The following ITGBL1 variants were observed in gnomAD, a reference collection of about 807,000 sequenced individuals.
The protein encoded by ITGBL1 is integrin subunit beta like 1.
In ITGBL1, 51 loss-of-function variants were observed where a neutral mutation model predicts 68.5. The ratio of observed to expected loss-of-function variants is 0.74; its 90% CI spans 0.59 to 0.94. ITGBL1 has a LOEUF of 0.94. ITGBL1 is among the 40% of genes least tolerant of loss of function. ITGBL1 has a pLI of 0.00. For synonymous variants in ITGBL1, 209 were observed against 227.3 expected (o/e 0.92, Z 0.72); for missense variants, 649 against 647.4 (o/e 1.00, Z -0.03).
At chr13:101,547,095 A>G (rs2049839008) in intron 2 of ITGBL1, among the ~76,000 whole-genome samples, 1 of 152,010 alleles carries the variant, frequency 6.6e-6, no homozygotes. Flanking sequence ...GATTACAAAA[A>G]TAATGAAAAT....
chr13:101,496,240 AG>A (rs1382107772), intron 2 of ITGBL1, among the ~76,000 whole-genome samples: 1 of 152,202 alleles, frequency 6.6e-6, no homozygotes, highest in East Asian at 1.9e-4. Flanking sequence ...GCTCCCGGGC[AG>A]GCTAGTGTTC....
intron 5 of ITGBL1, among the ~76,000 whole-genome samples, chr13:101,580,392 G>T (rs1330999853): frequency 6.6e-6 from 1 of 151,902 alleles, no homozygotes; most frequent in African/African-American, 2.4e-5. Context: ...CCTTTGTGGG[G>T]ACTAAATCTT....
At chr13:101,542,776 C>G (rs2139190464) in intron 2 of ITGBL1, among the ~76,000 whole-genome samples, 1 of 152,312 alleles carries the variant, frequency 6.6e-6, no homozygotes, top group African/African-American at 2.4e-5. Flanking sequence ...ATAGTTAGCT[C>G]TTCTTGTTGA....
rs186903161 is a variant in ITGBL1, at chr13:101,715,977, G to A, written c.*323G>A. On this transcript the variant is annotated 3_prime_UTR_variant, in exon 11 of 11. Coordinates refer to ENST00000376180, the MANE Select transcript of ITGBL1 (RefSeq NM_004791.3). ...ACTGGGTCGGGTAGGAAGGTATGCT[G>A]CAGACATTTGGTGGGTAGAGGCCAG... 1 of 286,138 alleles carries A rather than the reference G, an allele frequency of 3.5e-6. No homozygotes were observed. The highest frequency in any genetic ancestry group is 8.6e-5 in the East Asian group (1 of 11,584). The allele number at this position is 286,138 out of a possible 1,614,324, so 17.7% of individuals were successfully genotyped here. A position where few individuals can be genotyped will look rare whatever the true frequency, so the allele number is the denominator to read the frequency against.
At chr13:101,699,620 T>C (rs2034085764) in intron 8 of ITGBL1, among the ~76,000 whole-genome samples, 2 of 152,206 alleles carry the variant, frequency 1.3e-5, no homozygotes, top group Non-Finnish European at 1.5e-5. Context: ...TCCACCATAA[T>C]TGTAAGTTTC....
intron 2 of ITGBL1, among the ~76,000 whole-genome samples, chr13:101,497,372 GAT>G (rs2139075394): frequency 6.6e-6 from 1 of 152,258 alleles, no homozygotes; most frequent in Admixed American, 6.5e-5. Context: ...TGATCCCAGT[GAT>G]ATGAGTAGCA....
chr13:101,700,825 C>T (rs1449259159), intron 8 of ITGBL1, among the ~76,000 whole-genome samples: 1 of 152,192 alleles, frequency 6.6e-6, no homozygotes, highest in Non-Finnish European at 1.5e-5. Context: ...CATTGGCTGT[C>T]TGGCTCCTTC....
At chr13:101,647,145 A>T (rs2032585752) in intron 7 of ITGBL1, among the ~76,000 whole-genome samples, 1 of 152,178 alleles carries the variant, frequency 6.6e-6, no homozygotes, top group Non-Finnish European at 1.5e-5. Context: ...GAAATATATG[A>T]AGTCAATTTC....
chr13:101,532,024 G>T (rs1026630296), intron 2 of ITGBL1, among the ~76,000 whole-genome samples: 1 of 151,900 alleles, frequency 6.6e-6, no homozygotes, highest in African/African-American at 2.4e-5. Flanking sequence ...GTGAGCCACC[G>T]CGCCCGGCCA....
chr13:101,458,754 A>C (rs954545324), intron 2 of ITGBL1, among the ~76,000 whole-genome samples: 1 of 152,166 alleles, frequency 6.6e-6, no homozygotes, highest in Non-Finnish European at 1.5e-5. Context: ...CTATGTAAAT[A>C]GTTGTTATAC....
intron 7 of ITGBL1, among the ~76,000 whole-genome samples, chr13:101,600,802 T>C (rs1050631897): frequency 3.3e-5 from 5 of 152,208 alleles, no homozygotes; most frequent in Non-Finnish European, 5.9e-5. Flanking sequence ...TTGATCATAG[T>C]GGATAAGCTT....
intron 8 of ITGBL1, among the ~76,000 whole-genome samples, chr13:101,703,708 G>T (rs1438612656): frequency 6.6e-6 from 1 of 152,160 alleles, no homozygotes; most frequent in African/African-American, 2.4e-5. Flanking sequence ...AAAACATCAT[G>T]AACTGGTTGA....
intron 6 of ITGBL1, among the ~76,000 whole-genome samples, chr13:101,590,585 A>T (rs184866478): frequency 6.6e-6 from 1 of 152,168 alleles, no homozygotes; most frequent in East Asian, 1.9e-4. Context: ...TCCCTCTTCA[A>T]TCTGGTTTTC....
intron 3 of ITGBL1, among the ~76,000 whole-genome samples, chr13:101,572,247 C>G (rs1221001018): frequency 6.6e-6 from 1 of 151,994 alleles, no homozygotes; most frequent in African/African-American, 2.4e-5. Flanking sequence ...TTTCATATCA[C>G]AGTGTGGTTT....
chr13:101,654,017 G>A (rs576276531), intron 7 of ITGBL1, among the ~76,000 whole-genome samples: 7 of 151,774 alleles, frequency 4.6e-5, no homozygotes, highest in Non-Finnish European at 7.4e-5. Flanking sequence ...GCCTGAGAAG[G>A]CTTCTTAGAT....
At chr13:101,462,183 A>G (rs919441937) in intron 2 of ITGBL1, among the ~76,000 whole-genome samples, 5 of 152,178 alleles carry the variant, frequency 3.3e-5, no homozygotes, top group African/African-American at 1.2e-4. Context: ...TGTCTCCCAG[A>G]GCCTCTTCCA....
chr13:101,677,582 C>T (rs753091812), intron 7 of ITGBL1, among the ~76,000 whole-genome samples: 4 of 152,178 alleles, frequency 2.6e-5, no homozygotes, highest in Non-Finnish European at 5.9e-5. Flanking sequence ...CTCCAGAGCA[C>T]AAACGACCAA....
At chr13:101,706,600 C>A (rs1006562055) in intron 8 of ITGBL1, among the ~76,000 whole-genome samples, 156 bp from the exon 9 acceptor site, 1 of 152,196 alleles carries the variant, frequency 6.6e-6, no homozygotes, top group Non-Finnish European at 1.5e-5. Flanking sequence ...GTTGTAAGTT[C>A]TTTCAAACAA....
intron 7 of ITGBL1, among the ~76,000 whole-genome samples, chr13:101,638,339 C>T (rs908291173): frequency 2.0e-5 from 3 of 152,094 alleles, no homozygotes; most frequent in African/African-American, 7.2e-5. Flanking sequence ...AAAGAGCATA[C>T]CCTTCCACCT....
Sources: allele counts gnomAD v4.1 joint callset (sites outside exome capture counted in the v4.1 genomes callset), GRCh38; gene constraint gnomAD v4.1.1; transcripts MANE v1.5; gene names NCBI Gene and HGNC (gene_info 2026-07-23, HGNC 2026-07-21).